The following XRRA1 variants were observed in gnomAD, a reference collection of about 807,000 sequenced individuals.
The protein encoded by XRRA1 is X-ray radiation resistance-associated protein 1.
XRRA1 carries 69 observed loss-of-function variants against 80.2 expected under a neutral mutation model. The observed-to-expected ratio is 0.86, with a 90% CI of 0.71 to 1.05. The LOEUF (loss-of-function observed/expected upper bound fraction) is 1.05. Ranked by LOEUF, XRRA1 falls within the 50% of genes least tolerant of loss-of-function variation. XRRA1 has a pLI of 0.00. For synonymous variants in XRRA1, 348 were observed against 389.9 expected, an observed-to-expected ratio of 0.89 and a Z score of 1.27; for missense variants, 967 against 976.4, an observed-to-expected ratio of 0.99 and a Z score of 0.13.
At chr11:74,934,194 G>T (rs1433329329) in intron 4 of XRRA1, among the ~76,000 whole-genome samples, 4 of 152,118 alleles carry the variant, frequency 2.6e-5, no homozygotes, top group African/African-American at 9.7e-5. Context: ...CTTGCCAAAG[G>T]TCCCACAGTT....
At chr11:74,876,082 T>C (rs183388684) in intron 10 of XRRA1, among the ~76,000 whole-genome samples, 36 of 152,300 alleles carry the variant, frequency 2.4e-4, no homozygotes, top group African/African-American at 8.7e-4. Flanking sequence ...TAAAAGTGTT[T>C]GTTACTTAAT....
At chr11:74,880,074 G>A (rs1404657406) in intron 10 of XRRA1, among the ~76,000 whole-genome samples, 12 of 151,846 alleles carry the variant, frequency 7.9e-5, no homozygotes, top group South Asian at 4.2e-4. Flanking sequence ...GGTAGAATTC[G>A]GCTGTGAATC....
intron 11 of XRRA1, among the ~76,000 whole-genome samples, chr11:74,860,060 C>G (rs2042000204): frequency 6.6e-6 from 1 of 152,156 alleles, no homozygotes; most frequent in African/African-American, 2.4e-5. Flanking sequence ...GAACTAGATT[C>G]CATCTTAAGC....
chr11:74,892,486 T>C (rs1252291630), intron 10 of XRRA1, among the ~76,000 whole-genome samples: 4 of 152,136 alleles, frequency 2.6e-5, no homozygotes, highest in East Asian at 1.9e-4. Flanking sequence ...ATTCAGGACA[T>C]AGGCATGGGC....
chr11:74,885,297 T>C (rs1303066784), intron 10 of XRRA1, among the ~76,000 whole-genome samples: 4 of 151,520 alleles, frequency 2.6e-5, no homozygotes, highest in Admixed American at 6.6e-5. Context: ...AATACAGGAG[T>C]TGTTTTTTTG....
chr11:74,914,098 G>A (rs1937655599), intron 8 of XRRA1, among the ~76,000 whole-genome samples: 1 of 152,134 alleles, frequency 6.6e-6, no homozygotes, highest in African/African-American at 2.4e-5. Context: ...CGATTCTCCT[G>A]CTTCAGTCTC....
intron 10 of XRRA1, among the ~76,000 whole-genome samples, chr11:74,898,593 G>C (rs2052912899): frequency 6.6e-6 from 1 of 151,792 alleles, no homozygotes; most frequent in Non-Finnish European, 1.5e-5. Flanking sequence ...AAACCAAAAA[G>C]GGGAAGGAAT....
chr11:74,946,034 C>T (rs2140102362), intron 1 of XRRA1, among the ~76,000 whole-genome samples: 1 of 152,212 alleles, frequency 6.6e-6, no homozygotes, highest in South Asian at 2.1e-4. Flanking sequence ...ATGATCTCAG[C>T]TCACTGCAAC....
intron 10 of XRRA1, among the ~76,000 whole-genome samples, chr11:74,873,739 A>G (rs491826): frequency 0.73 from 110,569 of 152,002 alleles, 40,578 homozygotes; most frequent in Non-Finnish European, 0.78. Flanking sequence ...AAAATCTAAC[A>G]TCAAGCTTTG....
At chr11:74,852,884 A>G (rs947681949) in intron 12 of XRRA1, among the ~76,000 whole-genome samples, 1 of 152,222 alleles carries the variant, frequency 6.6e-6, no homozygotes, top group African/African-American at 2.4e-5. Flanking sequence ...ACACACTGAA[A>G]GGTATTGGGT....
chr11:74,878,180 T>C (rs1353977407), intron 10 of XRRA1, among the ~76,000 whole-genome samples: 3 of 151,812 alleles, frequency 2.0e-5, no homozygotes, highest in Non-Finnish European at 2.9e-5. Context: ...TGGTATCTCA[T>C]TGTGGTTTTG....
At position 74,937,058 on chromosome 11, in the gene XRRA1, G is replaced by A. The variant is rs768565632; in HGVS notation, c.105C>T (p.His35=). Reference sequence around the variant, plus strand: ...GGTTACCTTTCTGAACCACTAACCAGTGTCCTTGGCCTGTTGAGAAAATTA... The same window carrying A: ...GGTTACCTTTCTGAACCACTAACCAATGTCCTTGGCCTGTTGAGAAAATTA... ...LLRVPEEGQG[H]WLVVQKGNLK... is the part of the protein sequence containing the mutation. The change falls in exon 4 of 19, where the codon CAC becomes CAT. Residue 35 remains histidine (H), a synonymous_variant. Coordinates refer to ENST00000684022, the MANE Select transcript of XRRA1 (RefSeq NM_001378157.1). 1.2e-6 allele frequency: 2 copies of A among 1,613,564 alleles called. No individual in the cohort carries two copies. The highest frequency in any genetic ancestry group is 1.7e-6 in the Non-Finnish European group (2 of 1,179,750).
chr11:74,861,134 G>A (rs114705320), intron 11 of XRRA1, among the ~76,000 whole-genome samples: 66 of 152,310 alleles, frequency 4.3e-4, no homozygotes, highest in African/African-American at 1.5e-3. Context: ...ATTCCACAGG[G>A]AGGGGGCATG....
intron 13 of XRRA1, 35 bp from the exon 14 acceptor site, chr11:74,851,238 G>A (rs2039755320): frequency 6.5e-7 from 1 of 1,527,992 alleles, no homozygotes; most frequent in East Asian, 2.3e-5. Flanking sequence ...ATTACTATTA[G>A]CTAAAATTTA....
intron 1 of XRRA1, among the ~76,000 whole-genome samples, chr11:74,945,723 C>T (rs555081697): frequency 1.8e-4 from 28 of 152,262 alleles, no homozygotes; most frequent in Non-Finnish European, 4.1e-4. Flanking sequence ...CCTCTGGTCT[C>T]CATCTCAAAC....
At chr11:74,874,710 A>C (rs1418688636) in intron 10 of XRRA1, among the ~76,000 whole-genome samples, 1 of 152,322 alleles carries the variant, frequency 6.6e-6, no homozygotes, top group East Asian at 1.9e-4. Flanking sequence ...CCAGTTAAAA[A>C]CTTGCTCTTG....
intron 1 of XRRA1, among the ~76,000 whole-genome samples, chr11:74,947,818 C>T (rs567910530): frequency 4.2e-4 from 64 of 152,100 alleles, no homozygotes; most frequent in African/African-American, 1.4e-3. Flanking sequence ...TCCGCCTCCC[C>T]GGTTCAAGCA....
intron 8 of XRRA1, among the ~76,000 whole-genome samples, chr11:74,920,338 C>G (rs1940340181): frequency 6.6e-6 from 1 of 152,148 alleles, no homozygotes; most frequent in African/African-American, 2.4e-5. Flanking sequence ...GAGCAACTAG[C>G]CAACCACAAT....
rs1431233355 is a variant in XRRA1 at position 74,851,135 on chromosome 11, C to T, written c.1333G>A (p.Val445Ile). 4 of 1,613,138 alleles carry T rather than the reference C, an allele frequency of 2.5e-6. No individual in the cohort carries two copies. The highest frequency in any genetic ancestry group is 1.7e-5 in the Admixed American group (1 of 59,980). Residue 445 changes from valine (V) to isoleucine (I), a missense_variant, in exon 14 of 19, where the codon GTA becomes ATA. Transcript: ENST00000684022. Reference sequence around the variant, plus strand: ...ATCAAAACATGATGCTTAGGCTTTACTATCTTCCTTCGAATTAAGTGGATT... The same window carrying T: ...ATCAAAACATGATGCTTAGGCTTTATTATCTTCCTTCGAATTAAGTGGATT... ...LGIHLIRRKIVKPKHHVLMSR... is the reference protein window; with the variant it reads ...LGIHLIRRKIIKPKHHVLMSR...
Sources: gnomAD v4.1 joint callset for allele counts (sites outside exome capture counted in the v4.1 genomes callset) on GRCh38, gnomAD v4.1.1 for gene constraint, MANE v1.5 for transcripts, NCBI Gene and HGNC (gene_info 2026-07-23, HGNC 2026-07-21) for gene names.